The following KMT2B variants were observed in gnomAD, a reference collection of about 807,000 sequenced individuals.
The protein encoded by KMT2B is histone-lysine N-methyltransferase 2B.
KMT2B carries 22 observed loss-of-function variants against 255.3 expected under a neutral mutation model. The ratio of observed to expected loss-of-function variants is 0.09; its 90% CI spans 0.06 to 0.12. The LOEUF (loss-of-function observed/expected upper bound fraction) is 0.12. Among genes scored for constraint, KMT2B ranks in the 10% least tolerant of loss-of-function variants. KMT2B has a pLI of 1.00. For missense variants in KMT2B, 3,149 were observed against 3,737.0 expected (o/e 0.84, Z 4.10); for synonymous variants, 1,730 against 1,498.1 (o/e 1.15, Z -3.57).
chr19:35,718,411 G>A lies in KMT2B; in HGVS notation c.363+30G>A, dbSNP rs755799458. Reference sequence around the variant, plus strand: ...GGCGGTTGGAGGCGTCCCCGGCGCCGGGTGGGGCGGAGGCCGGGGCTTCCA... The same window carrying A: ...GGCGGTTGGAGGCGTCCCCGGCGCCAGGTGGGGCGGAGGCCGGGGCTTCCA... On this transcript the variant is annotated intron_variant, in intron 1 of 36. Coordinates refer to ENST00000420124, the MANE Select transcript of KMT2B (RefSeq NM_014727.3). The surrounding 1 kb of genome is among the most constrained non-coding windows in gnomAD (Gnocchi z 5.0). 15 of 1,245,732 alleles carry A rather than the reference G, an allele frequency of 1.2e-5. No individual in the cohort carries two copies. The East Asian group carries it at 4.3e-4, about 36-fold the overall frequency. 77.2% of individuals were successfully genotyped at this position (1,245,732 alleles called of 1,614,324 possible).
chr19:35,732,815 G>C lies in KMT2B; in HGVS notation c.6266G>C (p.Gly2089Ala), dbSNP rs760576944. 5.0e-6 allele frequency: 8 copies of C among 1,606,374 alleles called. No individual in the cohort carries two copies. In the Admixed American group the frequency reaches 1.2e-4, roughly 24 times the overall value. The change falls in exon 28 of 37, where the codon GGA becomes GCA. Residue 2089 changes from glycine to alanine, a missense_variant. By Grantham distance (60) the Gly-to-Ala change is moderately conservative. Around this residue, in one of 18 missense-constraint regions of KMT2B, gnomAD observed 897 missense variants for 825.3 expected, o/e 1.09. Coordinates refer to ENST00000420124, the MANE Select transcript of KMT2B (RefSeq NM_014727.3). ...RGQGTPPSGPGVVRAGVLGAA... is the reference protein window; with the variant it reads ...RGQGTPPSGPAVVRAGVLGAA... ...CAGGGCACGCCTCCTTCGGGGCCAG[G>C]AGTAGTCCGGGCAGGGGTCCTTGGG... is the stretch of plus-strand genomic sequence containing the variant.
chr19:35,719,001 A>G (rs1347041755), intron 1 of KMT2B, among the ~76,000 whole-genome samples: 2 of 152,088 alleles, frequency 1.3e-5, no homozygotes, highest in African/African-American at 2.4e-5. Context: ...GTTAATAACA[A>G]CCTGAGAGCT....
At position 35,720,850 on chromosome 19, in the gene KMT2B, C is replaced by T. The variant is rs768819878; in HGVS notation, c.1503C>T (p.Thr501=). 38 of 1,570,212 alleles carry T rather than the reference C, an allele frequency of 2.4e-5. No individual in the cohort carries two copies. The highest frequency in any genetic ancestry group is 1.7e-4 in the Middle Eastern group (1 of 5,996). The part of the protein sequence containing the change: ...GTSPPTPTPS[T]ATGGPPEDSP... ...CTCCTCCCACTCCAACCCCCAGCAC[C>T]GCCACGGGAGGCCCTCCGGAAGACA... is the stretch of plus-strand genomic sequence containing the variant. The change falls in exon 3 of 37, where the codon ACC becomes ACT. Residue 501 remains threonine (T), a synonymous_variant. Transcript: ENST00000420124.
rs532727622 is a variant in KMT2B, at chr19:35,731,903, T to G, written c.5438-5T>G. 6 of 1,610,916 alleles carry G rather than the reference T, an allele frequency of 3.7e-6. No homozygotes were observed. The South Asian group carries it at 6.6e-5, about 18-fold the overall frequency. ...CCACCCCAATGCCATTTCTCGCCTC[T>G]TCAGAGCCCCCAGGTGGTGAGGACC... On this transcript the variant is annotated splice_polypyrimidine_tract_variant and splice_region_variant and intron_variant, in intron 26 of 36. Transcript: ENST00000420124.
rs1969049950 is a variant in KMT2B, at chr19:35,718,525, A to T, written c.363+144A>T. 1 of 1,019,314 alleles carries T rather than the reference A, an allele frequency of 9.8e-7. No homozygotes were observed. The highest frequency in any genetic ancestry group is 1.2e-6 in the Non-Finnish European group (1 of 802,842). 63.1% of individuals were successfully genotyped at this position (1,019,314 alleles called of 1,614,324 possible). A position where few individuals can be genotyped will look rare whatever the true frequency, so the allele number is the denominator to read the frequency against. On this transcript the variant is annotated intron_variant, in intron 1 of 36. Coordinates refer to ENST00000420124, the MANE Select transcript of KMT2B (RefSeq NM_014727.3). The surrounding 1 kb of genome is among the most constrained non-coding windows in gnomAD (Gnocchi z 5.0). ...CGGGGCACGGAGGGAGGGCGGCTGC[A>T]TGCAGCTTCCGGGGGAAAGGGCCTC...
chr19:35,722,757 A>G, intron 5 of KMT2B, 39 bp downstream of exon 5: 1 of 1,548,288 alleles, frequency 6.5e-7, no homozygotes, highest in Non-Finnish European at 8.7e-7. Flanking sequence ...AGGTTTGGGG[A>G]TGACCCCACA....
chr19:35,731,696 G>C (rs1202555336), intron 26 of KMT2B, among the ~76,000 whole-genome samples: 1 of 152,178 alleles, frequency 6.6e-6, no homozygotes, highest in East Asian at 1.9e-4. Flanking sequence ...AGGAGCGAGT[G>C]GGGAGAGGCC....
At position 35,732,284 on chromosome 19, in the gene KMT2B, G is replaced by A. The variant is rs758825515; in HGVS notation, c.5735G>A (p.Arg1912His). 17 of 1,610,284 alleles carry A rather than the reference G, an allele frequency of 1.1e-5. No homozygotes were observed. The highest frequency in any genetic ancestry group is 3.3e-5 in the South Asian group (3 of 90,274). The change falls in exon 28 of 37, where the codon CGT becomes CAT. Residue 1912 changes from arginine (R) to histidine (H), a missense_variant. Physicochemically the swap from Arg to His is conservative, Grantham distance 29. Transcript: ENST00000420124. ...CCGGACTTCCCAGCTCCCCCCAGAC[G>A]TTCCCGTCGTCCCAGCCCTTTGGCT... ...GDPDFPAPPR[R>H]SRRPSPLAPR...
intron 30 of KMT2B, among the ~76,000 whole-genome samples, chr19:35,734,086 T>G (rs1387856762): frequency 1.3e-5 from 2 of 152,036 alleles, no homozygotes; most frequent in Admixed American, 6.5e-5. Context: ...TGGGATCCTT[T>G]TAAGGGTCTT....
Position 35,723,902 on chromosome 19 carries a change from C to A in KMT2B, c.3229C>A (p.Arg1077=). 6.2e-7 allele frequency: 1 copy of A among 1,611,572 alleles called. No homozygotes were observed. The highest frequency in any genetic ancestry group is 2.2e-5 in the East Asian group (1 of 44,846). The change falls in exon 8 of 37, where the codon CGG becomes AGG. Residue 1077 remains arginine, a synonymous_variant. Transcript: ENST00000420124. This position sits in a 1 kb window ranked among gnomAD's most constrained non-coding sequence, Gnocchi z 7.5. ...CTCCCTCCTGCAGCGCAAGTCAGCT[C>A]GGCGCTGCGTCAAACAGCGACCCTC... The part of the protein sequence containing the change: ...QDSLLQRKSA[R]RCVKQRPSYD...
chr19:35,728,922 C>T, intron 20 of KMT2B, 33 bp downstream of exon 20: 1 of 1,608,908 alleles, frequency 6.2e-7, no homozygotes, highest in Non-Finnish European at 8.5e-7. Flanking sequence ...AAGCCAGGGC[C>T]CTGTGTTGGT....
Position 35,725,430 on chromosome 19 carries a change from C to A in KMT2B, c.3643-49C>A, listed in dbSNP as rs766398868. 1.2e-6 allele frequency: 2 copies of A among 1,601,492 alleles called. No homozygotes were observed. ...CTCAGCTGGGTCTCATCCCTTGGCC[C>A]TCTGGCCTCATGCTATGCCCATCAT... On this transcript the variant is annotated intron_variant, in intron 11 of 36. Transcript: ENST00000420124. This position sits in a 1 kb window ranked among gnomAD's most constrained non-coding sequence, Gnocchi z 4.1.
At position 35,733,532 on chromosome 19, in the gene KMT2B, C is replaced by T; in HGVS notation, c.6959+24C>T. On this transcript the variant is annotated intron_variant, in intron 28 of 36. Coordinates refer to ENST00000420124, the MANE Select transcript of KMT2B (RefSeq NM_014727.3). The surrounding 1 kb of genome is among the most constrained non-coding windows in gnomAD (Gnocchi z 4.3). ...GGGTGAGTGCGGGTGCTGAGGCTGG[C>T]AGAGCAGGCAAGGGGGCAGATGGGC... 1.3e-6 allele frequency: 2 copies of T among 1,553,646 alleles called. No individual in the cohort carries two copies. The highest frequency in any genetic ancestry group is 1.7e-6 in the Non-Finnish European group (2 of 1,148,524).
In KMT2B at chr19:35,720,881, A is replaced by G; in HGVS notation, c.1534A>G (p.Thr512Ala). ...GGGAGGCCCTCCGGAAGACAGTCCCACCGTGGCCCCCAAAAGCACCACCTT... is the reference window on the plus strand; with the variant it reads ...GGGAGGCCCTCCGGAAGACAGTCCCGCCGTGGCCCCCAAAAGCACCACCTT... ...ATGGPPEDSPTVAPKSTTFLK... is the reference protein window; with the variant it reads ...ATGGPPEDSPAVAPKSTTFLK... Residue 512 changes from threonine (T) to alanine (A), a missense_variant, in exon 3 of 37, where the codon ACC (threonine) becomes GCC (alanine). This residue lies in a region of KMT2B where 1,188 missense variants were observed against 1,106.4 expected (regional missense o/e 1.07). Coordinates refer to ENST00000420124, the MANE Select transcript of KMT2B (RefSeq NM_014727.3). 2 of 1,597,212 alleles carry G rather than the reference A, an allele frequency of 1.3e-6. No homozygotes were observed. Among genetic ancestry groups the G allele is most frequent in the Non-Finnish European group, 1.7e-6 (2 of 1,172,718 alleles).
Position 35,728,101 on chromosome 19 carries a change from C to T in KMT2B, c.4501C>T (p.Leu1501=), listed in dbSNP as rs1327330012. Residue 1501 remains leucine, a synonymous_variant, in exon 19 of 37, where the codon CTA becomes TTA. Coordinates refer to ENST00000420124, the MANE Select transcript of KMT2B (RefSeq NM_014727.3). ...GQMKGLLLKL[L]ESAFGWFDAH... ...ATCCTGTTAACCCACTCCCCAGCTG[C>T]TAGAATCTGCGTTCGGCTGGTTCGA... 1 of 1,596,678 alleles carries T rather than the reference C, an allele frequency of 6.3e-7. No individual in the cohort carries two copies. The highest frequency in any genetic ancestry group is 8.5e-7 in the Non-Finnish European group (1 of 1,171,966).
intron 26 of KMT2B, among the ~76,000 whole-genome samples, chr19:35,731,138 C>G (rs968691318): frequency 3.3e-5 from 5 of 152,178 alleles, no homozygotes; most frequent in Non-Finnish European, 5.9e-5. Flanking sequence ...GCTTACAGCT[C>G]CCTAACTTGG....
chr19:35,730,506 C>T (rs1204790947), intron 24 of KMT2B, 32 bp from the exon 25 acceptor site: 3 of 1,614,020 alleles, frequency 1.9e-6, no homozygotes, highest in Non-Finnish European at 2.5e-6. Flanking sequence ...CCTGTCCTGC[C>T]TGCCTCTCCT....
Position 35,733,302 on chromosome 19 carries a change from TGCCCC to T in KMT2B, c.6759_6763del (p.Pro2254AlafsTer47). The T allele has an allele frequency of 2.2e-6, 2 of 907,938 alleles. No homozygotes were observed. Among genetic ancestry groups the T allele is most frequent in the Non-Finnish European group, 3.3e-6 (2 of 613,604 alleles). 56.2% of individuals were successfully genotyped at this position (907,938 alleles called of 1,614,324 possible). On this transcript the variant is annotated frameshift_variant, in exon 28 of 37. Transcript: ENST00000420124. LOFTEE classifies it high-confidence loss of function. This position sits in a 1 kb window ranked among gnomAD's most constrained non-coding sequence, Gnocchi z 4.3. ...TGCCCGTGGTCGGAGTGGTCCGCCC[TGCCCC>T]GCCCCCGCCACCCCCTCCCCTGACG... is the stretch of plus-strand genomic sequence containing the variant.
chr19:35,724,638 G>T lies in KMT2B; in HGVS notation c.3336G>T (p.Glu1112Asp). Reference sequence around the variant, plus strand: ...CACTGCTCATTGTGTCCTGCCTAGAGCTGCCACTGCCAGAACCTGAGGAGC... The same window carrying T: ...CACTGCTCATTGTGTCCTGCCTAGATCTGCCACTGCCAGAACCTGAGGAGC... Reference protein sequence around the residue: ...APRRRTPRENELPLPEPEEQS... With the variant: ...APRRRTPRENDLPLPEPEEQS... The change falls in exon 9 of 37, where the codon GAG (glutamate) becomes GAT (aspartate). Residue 1112 changes from glutamate to aspartate, a missense_variant and splice_region_variant. By Grantham distance (45) the Glu-to-Asp change is conservative. This residue lies in a region of KMT2B where 136 missense variants were observed against 137.3 expected (regional missense o/e 0.99). Coordinates refer to ENST00000420124, the MANE Select transcript of KMT2B (RefSeq NM_014727.3). 1 of 1,593,736 alleles carries T rather than the reference G, an allele frequency of 6.3e-7. No individual in the cohort carries two copies. The highest frequency in any genetic ancestry group is 8.5e-7 in the Non-Finnish European group (1 of 1,170,566).
Sources: gnomAD v4.1 joint callset for allele counts (sites outside exome capture counted in the v4.1 genomes callset) on GRCh38, gnomAD v4.1.1 for gene constraint, gnomAD v4.1.1 regional missense constraint, Gnocchi (gnomAD v3.1) non-coding constraint, MANE v1.5 for transcripts, NCBI Gene and HGNC (gene_info 2026-07-23, HGNC 2026-07-21) for gene names.